The following MOCS2 variants were observed in gnomAD, a reference collection of about 807,000 sequenced individuals.
MOCS2 encodes molybdenum cofactor synthesis 2.
In MOCS2, 13 loss-of-function variants were observed where a neutral mutation model predicts 21.9. The ratio of observed to expected loss-of-function variants is 0.59; its 90% CI spans 0.39 to 0.94. MOCS2 has a LOEUF of 0.94. MOCS2 is among the 40% of genes least tolerant of loss of function. MOCS2 has a pLI of 0.00. For missense variants in MOCS2, 227 were observed against 218.3 expected (o/e 1.04, Z -0.25); for synonymous variants, 92 against 80.8 (o/e 1.14, Z -0.74).
rs76149823 is a variant in MOCS2 at position 53,099,492 on chromosome 5, A to C, written c.502-825T>G. On this transcript the variant is annotated intron_variant, in intron 6 of 6. Transcript: ENST00000396954. ...TCAGCCTTGTTCACAGCAAGGGAAC[A>C]ATATATCTGAGCTTCACTAAGTTTC... Among the ~76,000 whole-genome samples, 201 of 152,210 alleles carry C rather than the reference A, an allele frequency of 1.3e-3. 1 individual carries two copies. The highest frequency in any genetic ancestry group is 4.7e-3 in the African/African-American group (197 of 41,524).
chr5:53,098,701 A>C, intron 6 of MOCS2, 34 bp from the exon 7 acceptor site: 1 of 1,391,470 alleles, frequency 7.2e-7, no homozygotes, highest in African/African-American at 1.4e-5. Flanking sequence ...TATTAAAAAT[A>C]GACCATTCTA....
rs762404131 is a variant in MOCS2, at chr5:53,107,189, G to A, written c.-15C>T. ...AAGCTCGACATATTCTTGACGAACA[G>A]CAAATATTATCTGATTTCTAACATC... On this transcript the variant is annotated 5_prime_UTR_variant, in exon 3 of 7. Coordinates refer to ENST00000396954, the MANE Select transcript of MOCS2 (RefSeq NM_004531.5). 6.2e-7 allele frequency: 1 copy of A among 1,613,934 alleles called. No homozygotes were observed. Among genetic ancestry groups the A allele is most frequent in the South Asian group, 1.1e-5 (1 of 91,022 alleles).
chr5:53,101,601 T>G, intron 4 of MOCS2, 92 bp from the exon 5 acceptor site: 1 of 948,126 alleles, frequency 1.1e-6, no homozygotes, highest in Non-Finnish European at 1.6e-6. Flanking sequence ...GGAATATTTT[T>G]AATAGTAAAT....
rs1049280443 is a variant in MOCS2, at chr5:53,098,430, C to G, written c.*172G>C. 3.1e-6 allele frequency: 2 copies of G among 636,748 alleles called. No homozygotes were observed. Among genetic ancestry groups the G allele is most frequent in the African/African-American group, 1.8e-5 (1 of 54,482 alleles). The allele number at this position is 636,748 out of a possible 1,614,324, so 39.4% of individuals were successfully genotyped here. A position where few individuals can be genotyped will look rare whatever the true frequency, so the allele number is the denominator to read the frequency against. ...CTATCTTTAGTTCCATTTTAAATAA[C>G]CCTTCATCCTACATACCCATTTATC... is the stretch of plus-strand genomic sequence containing the variant. On this transcript the variant is annotated 3_prime_UTR_variant, in exon 7 of 7. Transcript: ENST00000396954.
intron 3 of MOCS2, 148 bp downstream of exon 3, chr5:53,106,929 G>C (rs1205526403): frequency 1.3e-6 from 1 of 787,964 alleles, no homozygotes; most frequent in Non-Finnish European, 2.0e-6. Flanking sequence ...TCATAAATCT[G>C]TTGGCACCAA....
intron 2 of MOCS2, 71 bp downstream of exon 2, chr5:53,108,451 T>C: frequency 2.8e-6 from 4 of 1,431,846 alleles, no homozygotes; most frequent in Non-Finnish European, 2.9e-6. Context: ...TTAACCTTTT[T>C]ACTTTTATCA....
At chr5:53,099,052 G>C (rs1441057243) in intron 6 of MOCS2, among the ~76,000 whole-genome samples, 1 of 152,122 alleles carries the variant, frequency 6.6e-6, no homozygotes, top group Non-Finnish European at 1.5e-5. Flanking sequence ...TATCACAGAT[G>C]ATCTCAAAGC....
chr5:53,106,988 G>C, intron 3 of MOCS2, 89 bp downstream of exon 3: 2 of 1,445,434 alleles, frequency 1.4e-6, no homozygotes, highest in Non-Finnish European at 1.9e-6. Context: ...GACTTACAAA[G>C]AATATACATT....
In MOCS2 at chr5:53,100,636, G is replaced by A. The variant is rs1740885188; in HGVS notation, c.378-102C>T. On this transcript the variant is annotated intron_variant, in intron 5 of 6. Transcript: ENST00000396954. Reference sequence around the variant, plus strand: ...AAAAAAATCCAGGTATGCAGTCTTAGAATTATACTGTAGTTCTATTTTACG... The same window carrying A: ...AAAAAAATCCAGGTATGCAGTCTTAAAATTATACTGTAGTTCTATTTTACG... 1.5e-5 allele frequency: 18 copies of A among 1,202,088 alleles called. No individual in the cohort carries two copies. The East Asian group carries it at 4.5e-4, about 30-fold the overall frequency. The allele number at this position is 1,202,088 out of a possible 1,614,324, so 74.5% of individuals were successfully genotyped here.
chr5:53,107,502 G>A (rs990358957), intron 2 of MOCS2: 3 of 410,258 alleles, frequency 7.3e-6, no homozygotes, highest in Non-Finnish European at 8.9e-6. Flanking sequence ...CCAGACTGGA[G>A]GCAACACTCA....
At position 53,098,177 on chromosome 5, in the gene MOCS2, A is replaced by G; in HGVS notation, c.*425T>C. On this transcript the variant is annotated 3_prime_UTR_variant, in exon 7 of 7. Coordinates refer to ENST00000396954, the MANE Select transcript of MOCS2 (RefSeq NM_004531.5). ...TTTAATACTTTCCAGTTCTGCCAACATTCCTGTCATGCATCCTTAATAACA... is the reference window on the plus strand; with the variant it reads ...TTTAATACTTTCCAGTTCTGCCAACGTTCCTGTCATGCATCCTTAATAACA... The G allele has an allele frequency of 5.9e-6, 1 of 170,284 alleles. No homozygotes were observed. The highest frequency in any genetic ancestry group is 1.5e-4 in the East Asian group (1 of 6,878). 10.5% of individuals were successfully genotyped at this position (170,284 alleles called of 1,614,324 possible).
chr5:53,100,592 G>C, intron 5 of MOCS2, 58 bp from the exon 6 acceptor site: 2 of 1,584,156 alleles, frequency 1.3e-6, no homozygotes, highest in Non-Finnish European at 1.7e-6. Flanking sequence ...ACGTGTTAAA[G>C]AATCTGCTAG....
chr5:53,102,951 CAA>C (rs70983322), intron 3 of MOCS2, among the ~76,000 whole-genome samples: 7 of 123,570 alleles, frequency 5.7e-5, no homozygotes, highest in Admixed American at 8.2e-5. Flanking sequence ...TACCCCATCT[CAA>C]AAAAAAAAAA....
rs748049681 is a variant in MOCS2 at position 53,108,629 on chromosome 5, A to C, written c.-155T>G. The C allele has an allele frequency of 1.2e-5, 20 of 1,613,328 alleles. No homozygotes were observed. The South Asian group carries it at 2.2e-4, about 18-fold the overall frequency. ...CTGTTATTTCAGCACTTTTTGCAAA[A>C]TACAATACTTCAACCTGAAAGTAAA... On this transcript the variant is annotated 5_prime_UTR_variant, in exon 2 of 7. Transcript: ENST00000396954.
Position 53,107,086 on chromosome 5 carries a change from T to A in MOCS2, c.89A>T (p.Glu30Val). The A allele has an allele frequency of 1.9e-6, 3 of 1,614,114 alleles. No individual in the cohort carries two copies. The highest frequency in any genetic ancestry group is 2.5e-6 in the Non-Finnish European group (3 of 1,180,016). Reference sequence around the variant, plus strand: ...AACAAATCTCACATACCTAGATGGCTCAAAAGCACTATCCTCCACTAATGG... The same window carrying A: ...AACAAATCTCACATACCTAGATGGCACAAAAGCACTATCCTCCACTAATGG... Reference protein sequence around the residue: ...SPPLVEDSAFEPSRKDMDEVE... With the variant: ...SPPLVEDSAFVPSRKDMDEVE... The change falls in exon 3 of 7, where the codon GAG (glutamate) becomes GTG (valine). Residue 30 changes from glutamate (E) to valine (V), a missense_variant. Coordinates refer to ENST00000396954, the MANE Select transcript of MOCS2 (RefSeq NM_004531.5).
At chr5:53,099,436 C>G (rs993561924) in intron 6 of MOCS2, among the ~76,000 whole-genome samples, 22 of 152,200 alleles carry the variant, frequency 1.4e-4, no homozygotes, top group African/African-American at 5.1e-4. Flanking sequence ...CTTCCTACCT[C>G]TCGCTCTCTG....
chr5:53,105,786 T>C (rs1024206383), intron 3 of MOCS2, among the ~76,000 whole-genome samples: 8 of 152,100 alleles, frequency 5.3e-5, no homozygotes, highest in Admixed American at 1.3e-4. Context: ...ACAGAGTGAA[T>C]AGACAACCTA....
chr5:53,106,945 A>C, intron 3 of MOCS2, 132 bp downstream of exon 3: 1 of 916,406 alleles, frequency 1.1e-6, no homozygotes, highest in Non-Finnish European at 1.6e-6. Context: ...ACCAATGAAG[A>C]GTTGCTGCAT....
chr5:53,102,807 C>T (rs1164950101), intron 3 of MOCS2, among the ~76,000 whole-genome samples: 1 of 151,816 alleles, frequency 6.6e-6, no homozygotes, highest in Non-Finnish European at 1.5e-5. Context: ...ATTAGCCAGG[C>T]GGTAGTGGCA....
Sources: allele counts gnomAD v4.1 joint callset (sites outside exome capture counted in the v4.1 genomes callset), GRCh38; gene constraint gnomAD v4.1.1; transcripts MANE v1.5; gene names NCBI Gene and HGNC (gene_info 2026-07-23, HGNC 2026-07-21).